Variants in LRRFIP1 observed in about 807,000 individuals in gnomAD.
The protein encoded by LRRFIP1 is LRR binding FLII interacting protein 1.
Under a neutral mutation model 104.4 loss-of-function variants are expected in LRRFIP1, and 62 were observed. The observed-to-expected ratio is 0.59, with a 90% CI of 0.48 to 0.73. The LOEUF (loss-of-function observed/expected upper bound fraction) is 0.73. Ranked by LOEUF, LRRFIP1 falls within the 30% of genes least tolerant of loss-of-function variation. The probability of loss-of-function intolerance (pLI) is 0.00; values close to 1 mark genes in which losing one functional copy is unlikely to be tolerated. For missense variants in LRRFIP1, 796 were observed against 824.5 expected (o/e 0.97, Z 0.42); for synonymous variants, 300 against 299.0 (o/e 1.00, Z -0.03).
rs1187757379 is a variant in LRRFIP1, at chr2:237,691,986, C to A, written c.97-16558C>A. Among the ~76,000 whole-genome samples, 5 of 74,424 alleles carry A rather than the reference C, an allele frequency of 6.7e-5. No homozygotes were observed. The highest frequency in any genetic ancestry group is 1.6e-4 in the African/African-American group (3 of 19,174). 48.8% of individuals were successfully genotyped at this position (74,424 alleles called of 152,430 possible). ...GGGCGGGGCCTGGGTGGGGCGGAGC[C>A]GGTGGGGGTGGGGAAAGGGGCGTAA... On this transcript the variant is annotated intron_variant, in intron 1 of 23. Coordinates refer to ENST00000308482, the MANE Select transcript of LRRFIP1 (RefSeq NM_001137550.2). The surrounding 1 kb of genome is among the most constrained non-coding windows in gnomAD (Gnocchi z 5.4).
In LRRFIP1 at chr2:237,661,528, C is replaced by T. The variant is rs948498400; in HGVS notation, c.96+33788C>T. 5.3e-5 allele frequency among the ~76,000 whole-genome samples: 8 copies of T among 152,258 alleles called. No homozygotes were observed. The highest frequency in any genetic ancestry group is 5.2e-4 in the Admixed American group (8 of 15,288). ...TTTCCTTCCACCTCGCTCTCGGCCC[C>T]TGGTTCACCTTCTGTTCCTGCCCAG... On this transcript the variant is annotated intron_variant, in intron 1 of 23. Transcript: ENST00000308482. The surrounding 1 kb of genome is among the most constrained non-coding windows in gnomAD (Gnocchi z 4.4).
intron 13 of LRRFIP1, among the ~76,000 whole-genome samples, chr2:237,749,772 G>T (rs2150622518): frequency 6.6e-6 from 1 of 152,200 alleles, no homozygotes; most frequent in East Asian, 1.9e-4. Flanking sequence ...TCTTTGTAAT[G>T]TGCCTTTAGT....
chr2:237,720,340 TG>T (rs2094495779), intron 5 of LRRFIP1, among the ~76,000 whole-genome samples: 1 of 152,056 alleles, frequency 6.6e-6, no homozygotes, highest in African/African-American at 2.4e-5. Flanking sequence ...GTCTGCCTCG[TG>T]GGTCCAAGTG....
intron 9 of LRRFIP1, among the ~76,000 whole-genome samples, chr2:237,734,159 C>T (rs1298980168): frequency 6.6e-6 from 1 of 151,548 alleles, no homozygotes; most frequent in Non-Finnish European, 1.5e-5. Flanking sequence ...TGGACAGATA[C>T]TAATCCATGT....
At chr2:237,629,037 A>G (rs1038427608) in intron 1 of LRRFIP1, among the ~76,000 whole-genome samples, 2 of 152,222 alleles carry the variant, frequency 1.3e-5, no homozygotes, top group South Asian at 2.1e-4. Context: ...ACGGCCCTCC[A>G]TGGCATGCCC....
At chr2:237,746,682 T>C (rs569460889) in intron 11 of LRRFIP1, among the ~76,000 whole-genome samples, 8 of 152,296 alleles carry the variant, frequency 5.3e-5, no homozygotes, top group African/African-American at 1.9e-4. Flanking sequence ...GGGCTGCAGA[T>C]GGTATGGGCC....
At position 237,781,032 on chromosome 2, in the gene LRRFIP1, G is replaced by A. The variant is rs367631496; in HGVS notation, c.*1500G>A. Among the ~76,000 whole-genome samples, 15 of 151,358 alleles carry A rather than the reference G, an allele frequency of 9.9e-5. 1 individual carries two copies. The highest frequency in any genetic ancestry group is 3.7e-4 in the African/African-American group (15 of 40,658). On this transcript the variant is annotated 3_prime_UTR_variant, in exon 24 of 24. Transcript: ENST00000308482. ...GACCCACACTGCACACCCGGGCACC[G>A]TATGAACAGGAAAGAGGAAGGAAGC...
chr2:237,754,780 G>GAGCAC (rs1476689420), intron 15 of LRRFIP1, among the ~76,000 whole-genome samples: 1 of 152,230 alleles, frequency 6.6e-6, no homozygotes, highest in African/African-American at 2.4e-5. Flanking sequence ...GAGGAGTGGA[G>GAGCAC]AGCACAGCCC....
chr2:237,639,823 G>A (rs114161733), intron 1 of LRRFIP1, among the ~76,000 whole-genome samples: 2,387 of 152,258 alleles, frequency 0.016, 69 homozygotes, highest in African/African-American at 0.05. Flanking sequence ...CCTGGGGGGC[G>A]CTGTCCTATG....
chr2:237,630,050 G>A (rs1381994803), intron 1 of LRRFIP1, among the ~76,000 whole-genome samples: 2 of 152,178 alleles, frequency 1.3e-5, no homozygotes, highest in Non-Finnish European at 2.9e-5. Flanking sequence ...AAAGTGGGTA[G>A]CAATGTAAAG....
chr2:237,735,228 A>G lies in LRRFIP1; in HGVS notation c.490-40A>G. On this transcript the variant is annotated intron_variant, in intron 9 of 23. Transcript: ENST00000308482. The surrounding 1 kb of genome is among the most constrained non-coding windows in gnomAD (Gnocchi z 4.6). ...AGCACTTTCTGGGCACTCTTGGAGA[A>G]AGGAAGAGCGCCCATCCTGACAGTC... 6.4e-7 allele frequency: 1 copy of G among 1,568,000 alleles called. No homozygotes were observed. The highest frequency in any genetic ancestry group is 8.7e-7 in the Non-Finnish European group (1 of 1,144,102).
rs564836320 is a variant in LRRFIP1 at position 237,653,185 on chromosome 2, A to G, written c.96+25445A>G. ...CTTCATAAATTACCCAGTCCCAGGT[A>G]ACTGTTTATATCAGTGTGAGAACAG... On this transcript the variant is annotated intron_variant, in intron 1 of 23. Transcript: ENST00000308482. 4.2e-4 allele frequency among the ~76,000 whole-genome samples: 64 copies of G among 152,346 alleles called. 1 individual carries two copies. The South Asian group carries it at 0.013, about 31-fold the overall frequency.
intron 1 of LRRFIP1, among the ~76,000 whole-genome samples, chr2:237,664,795 A>G (rs1365627772): frequency 1.3e-5 from 2 of 152,152 alleles, no homozygotes; most frequent in Non-Finnish European, 2.9e-5. Context: ...CTTCCTACTC[A>G]TCTTTGATTG....
At position 237,757,466 on chromosome 2, in the gene LRRFIP1, A is replaced by G; in HGVS notation, c.1142A>G (p.Gln381Arg). ...TGTTCCTTTCCTCAGGAAATCCGACAGCTACAGCAGAAACAGGCGAGTTCT... is the reference window on the plus strand; with the variant it reads ...TGTTCCTTTCCTCAGGAAATCCGACGGCTACAGCAGAAACAGGCGAGTTCT... The part of the protein sequence containing the change: ...QREEMLEEIR[Q>R]LQQKQASSIR... Residue 381 changes from glutamine to arginine, a missense_variant, in exon 17 of 24, where the codon CAG (glutamine) becomes CGG (arginine). Coordinates refer to ENST00000308482, the MANE Select transcript of LRRFIP1 (RefSeq NM_001137550.2). 1 of 1,590,658 alleles carries G rather than the reference A, an allele frequency of 6.3e-7. No homozygotes were observed. Among genetic ancestry groups the G allele is most frequent in the East Asian group, 2.3e-5 (1 of 44,162 alleles).
chr2:237,693,504 G>T (rs1463458994), intron 1 of LRRFIP1, among the ~76,000 whole-genome samples: 1 of 152,226 alleles, frequency 6.6e-6, no homozygotes, highest in African/African-American at 2.4e-5. Flanking sequence ...CCATTTTAGT[G>T]TGGTTTTTCT....
At chr2:237,769,111 A>G (rs1182020488) in intron 19 of LRRFIP1, 2 of 152,238 alleles carry the variant, frequency 1.3e-5, no homozygotes, top group Non-Finnish European at 2.9e-5. Context: ...AAACGAGCTA[A>G]TGATGTCGAA....
At chr2:237,761,242 G>A (rs1486723864) in intron 19 of LRRFIP1, among the ~76,000 whole-genome samples, 9 of 152,186 alleles carry the variant, frequency 5.9e-5, no homozygotes, top group Non-Finnish European at 7.3e-5. Flanking sequence ...AAAAAAAGTT[G>A]TGGCCTAGTG....
chr2:237,678,507 T>C (rs1351611098), intron 1 of LRRFIP1, among the ~76,000 whole-genome samples: 2 of 147,588 alleles, frequency 1.4e-5, no homozygotes, highest in Admixed American at 6.7e-5. Flanking sequence ...CCTGAAACTA[T>C]TTTTTTTTCT....
rs140308146 is a variant in LRRFIP1 at position 237,743,758 on chromosome 2, G to A, written c.633+4449G>A. Among the ~76,000 whole-genome samples, 554 of 152,294 alleles carry A rather than the reference G, an allele frequency of 3.6e-3. 3 individuals are homozygous for A. The highest frequency in any genetic ancestry group is 0.013 in the African/African-American group (531 of 41,554). Reference sequence around the variant, plus strand: ...CACGTTGTGAAGCCCAGCAGCGGGGGTGTGAGGGGAGGCAAAGGTGCCTCG... The same window carrying A: ...CACGTTGTGAAGCCCAGCAGCGGGGATGTGAGGGGAGGCAAAGGTGCCTCG... On this transcript the variant is annotated intron_variant, in intron 11 of 23. Coordinates refer to ENST00000308482, the MANE Select transcript of LRRFIP1 (RefSeq NM_001137550.2).
Sources: gnomAD v4.1 joint callset for allele counts (sites outside exome capture counted in the v4.1 genomes callset) on GRCh38, gnomAD v4.1.1 for gene constraint, Gnocchi (gnomAD v3.1) non-coding constraint, MANE v1.5 for transcripts, NCBI Gene and HGNC (gene_info 2026-07-23, HGNC 2026-07-21) for gene names.